The following SYT10 variants were observed in gnomAD, a reference collection of about 807,000 sequenced individuals.
SYT10 encodes the protein synaptotagmin 10, also known as synaptotagmin-10.
A neutral mutation model predicts 51.1 loss-of-function variants in SYT10; 31 were observed. The ratio of observed to expected loss-of-function variants is 0.61; its 90% confidence interval spans 0.46 to 0.82. SYT10 has a LOEUF of 0.82. SYT10 is among the 40% of genes least tolerant of loss of function. SYT10 has a pLI of 0.00. For synonymous variants in SYT10, 233 were observed against 225.9 expected (o/e 1.03, Z -0.28); for missense variants, 603 against 634.0 (o/e 0.95, Z 0.53).
At chr12:33,433,644 C>T (rs1866614395) in intron 1 of SYT10, among the ~76,000 whole-genome samples, 1 of 152,120 alleles carries the variant, frequency 6.6e-6, no homozygotes, top group African/African-American at 2.4e-5. Flanking sequence ...CTGAAGTACA[C>T]ATGTGTGCAT....
At chr12:33,429,491 A>G (rs1380070304) in intron 1 of SYT10, among the ~76,000 whole-genome samples, 1 of 152,238 alleles carries the variant, frequency 6.6e-6, no homozygotes, top group Admixed American at 6.5e-5. Context: ...ATAAAGTGAT[A>G]CTAGTCTGCC....
chr12:33,381,928 G>A (rs1456195717), intron 5 of SYT10, among the ~76,000 whole-genome samples: 1 of 152,074 alleles, frequency 6.6e-6, no homozygotes, highest in African/African-American at 2.4e-5. Context: ...TTTACAAATG[G>A]GAAAAGTGAT....
intron 1 of SYT10, among the ~76,000 whole-genome samples, chr12:33,431,625 T>C (rs1280551562): frequency 6.6e-6 from 1 of 152,202 alleles, no homozygotes; most frequent in East Asian, 1.9e-4. Flanking sequence ...AATGTTATCT[T>C]AGTATTGACG....
intron 3 of SYT10, among the ~76,000 whole-genome samples, chr12:33,391,855 G>T (rs75660015): frequency 6.6e-6 from 1 of 152,156 alleles, no homozygotes; most frequent in African/African-American, 2.4e-5. Context: ...TAAGGTATCA[G>T]GCCAGGTCAT....
At chr12:33,395,194 G>T (rs1004052710) in intron 3 of SYT10, among the ~76,000 whole-genome samples, 1 of 152,218 alleles carries the variant, frequency 6.6e-6, no homozygotes, top group African/African-American at 2.4e-5. Context: ...AAAGCCAGCA[G>T]ATAAGGTACT....
At chr12:33,410,307 G>A (rs1248617211) in intron 2 of SYT10, among the ~76,000 whole-genome samples, 13 of 152,074 alleles carry the variant, frequency 8.5e-5, no homozygotes, top group African/African-American at 1.2e-4. Context: ...ATTCTCTTAC[G>A]TTTAATTTGC....
At chr12:33,435,464 T>C (rs1866630820) in intron 1 of SYT10, among the ~76,000 whole-genome samples, 1 of 152,200 alleles carries the variant, frequency 6.6e-6, no homozygotes, top group Admixed American at 6.5e-5. Flanking sequence ...TGGCCACTCT[T>C]CAGTGGAGTG....
At chr12:33,417,833 T>C (rs1247030571) in intron 2 of SYT10, among the ~76,000 whole-genome samples, 2 of 152,154 alleles carry the variant, frequency 1.3e-5, no homozygotes, top group East Asian at 1.9e-4. Context: ...TGATTGACCA[T>C]GGAATTGAAA....
chr12:33,439,333 A>T, intron 1 of SYT10, 39 bp downstream of exon 1: 1 of 1,591,180 alleles, frequency 6.3e-7, no homozygotes. Flanking sequence ...GCGGGGTCCC[A>T]GCGGAGCGCG....
intron 2 of SYT10, among the ~76,000 whole-genome samples, chr12:33,423,588 T>A (rs144705597): frequency 6.6e-6 from 1 of 152,224 alleles, no homozygotes; most frequent in East Asian, 1.9e-4. Context: ...AAGGAATTCA[T>A]CCCAAGGCTA....
intron 3 of SYT10, among the ~76,000 whole-genome samples, chr12:33,393,975 C>CTGG (rs1394520838): frequency 6.6e-6 from 1 of 152,190 alleles, no homozygotes; most frequent in African/African-American, 2.4e-5. Flanking sequence ...GGAAGAGTGT[C>CTGG]TGGTAAACAG....
Position 33,431,516 on chromosome 12 carries a change from AATG to A in SYT10, c.152-5024_152-5022del, listed in dbSNP as rs551888803. Among the ~76,000 whole-genome samples, 21 of 152,232 alleles carry A rather than the reference AATG, an allele frequency of 1.4e-4. No individual in the cohort carries two copies. In the East Asian group the frequency reaches 2.7e-3, roughly 20 times the overall value. On this transcript the variant is annotated intron_variant, in intron 1 of 6. Coordinates refer to ENST00000228567, the MANE Select transcript of SYT10 (RefSeq NM_198992.4). ...TTTGCCTTTCTCTTGAATTTCAATA[AATG>A]ATAACAATTACATTAATTGTAATTA... is the stretch of plus-strand genomic sequence containing the variant.
chr12:33,414,857 C>G (rs1250060931), intron 2 of SYT10, among the ~76,000 whole-genome samples: 1 of 152,174 alleles, frequency 6.6e-6, no homozygotes, highest in African/African-American at 2.4e-5. Context: ...TAGATATAGT[C>G]AACATTAGTT....
intron 1 of SYT10, among the ~76,000 whole-genome samples, chr12:33,431,974 A>G (rs946741068): frequency 4.6e-5 from 7 of 152,130 alleles, no homozygotes; most frequent in Admixed American, 1.3e-4. Context: ...GGCATAGAAT[A>G]TGATAATGTG....
At chr12:33,386,303 T>C (rs1409717801) in intron 3 of SYT10, among the ~76,000 whole-genome samples, 1 of 152,166 alleles carries the variant, frequency 6.6e-6, no homozygotes, top group African/African-American at 2.4e-5. Context: ...TTTGTTTGGC[T>C]AATACATTAG....
chr12:33,404,077 T>C (rs1254123640), intron 3 of SYT10, among the ~76,000 whole-genome samples: 1 of 152,224 alleles, frequency 6.6e-6, no homozygotes, highest in Non-Finnish European at 1.5e-5. Flanking sequence ...GAAATGAGAA[T>C]GTCTGCAGAT....
intron 3 of SYT10, among the ~76,000 whole-genome samples, chr12:33,397,518 C>T (rs768589419): frequency 6.6e-5 from 10 of 152,232 alleles, no homozygotes; most frequent in Middle Eastern, 3.4e-3. Flanking sequence ...GTCATTCTTC[C>T]GCCCTTTCTG....
At chr12:33,396,596 C>A (rs902444372) in intron 3 of SYT10, among the ~76,000 whole-genome samples, 2 of 151,982 alleles carry the variant, frequency 1.3e-5, no homozygotes, top group South Asian at 2.1e-4. Context: ...TTTTTCCAGG[C>A]TACTCTTAAT....
intron 3 of SYT10, 131 bp downstream of exon 3, chr12:33,406,658 T>TC: frequency 1.3e-6 from 1 of 747,190 alleles, no homozygotes; most frequent in South Asian, 2.2e-5. Context: ...GAAATGAAAT[T>TC]CTACCTTTGC....
Sources: gnomAD v4.1 joint callset for allele counts (sites outside exome capture counted in the v4.1 genomes callset) on GRCh38, gnomAD v4.1.1 for gene constraint, MANE v1.5 for transcripts, NCBI Gene and HGNC (gene_info 2026-07-23, HGNC 2026-07-21) for gene names.